Variants in G3BP1 observed in about 807,000 individuals in gnomAD.
The protein encoded by G3BP1 is ras GTPase-activating protein-binding protein 1.
In G3BP1, 35 loss-of-function variants were observed where a neutral mutation model predicts 58.6. The ratio of observed to expected loss-of-function variants is 0.60; its 90% confidence interval spans 0.46 to 0.79. G3BP1 has a LOEUF of 0.79. Ranked by LOEUF, G3BP1 falls within the 30% of genes least tolerant of loss-of-function variation. The pLI, the probability that G3BP1 is intolerant of heterozygous loss-of-function variation, is 0.00. For synonymous variants in G3BP1, 191 were observed against 195.4 expected, an observed-to-expected ratio of 0.98 and a Z score of 0.19; for missense variants, 523 against 580.8, an observed-to-expected ratio of 0.90 and a Z score of 1.02.
At chr5:151,782,957 A>G (rs1245855494) in intron 1 of G3BP1, among the ~76,000 whole-genome samples, 1 of 148,378 alleles carries the variant, frequency 6.7e-6, no homozygotes, top group African/African-American at 2.5e-5. Flanking sequence ...TGCTAGGTTC[A>G]AGCGATTCTC....
intron 1 of G3BP1, among the ~76,000 whole-genome samples, chr5:151,778,464 A>G (rs1289186920): frequency 6.6e-6 from 1 of 152,098 alleles, no homozygotes; most frequent in Non-Finnish European, 1.5e-5. Context: ...GTTTTGAGAC[A>G]GTGTTTCGCT....
rs573823245 is a variant in G3BP1 at position 151,779,683 on chromosome 5, G to A, written c.-49-6889G>A. Among the ~76,000 whole-genome samples the A allele has an allele frequency of 5.3e-5, 8 of 152,276 alleles. 1 individual carries two copies. The highest frequency in any genetic ancestry group is 1.9e-4 in the African/African-American group (8 of 41,556). On this transcript the variant is annotated intron_variant, in intron 1 of 11. Coordinates refer to ENST00000356245, the MANE Select transcript of G3BP1 (RefSeq NM_005754.3). ...GCTCGCTTTCTGGCAGGCATAAATAGGGTGACATATGTCTTGGTTTGCCAG... is the reference window on the plus strand; with the variant it reads ...GCTCGCTTTCTGGCAGGCATAAATAAGGTGACATATGTCTTGGTTTGCCAG...
In G3BP1 at chr5:151,782,896, C is replaced by T. The variant is rs561045755; in HGVS notation, c.-49-3676C>T. Among the ~76,000 whole-genome samples, 536 of 123,262 alleles carry T rather than the reference C, an allele frequency of 4.3e-3. 4 individuals carry two copies. Among genetic ancestry groups the T allele is most frequent in the African/African-American group, 0.016 (511 of 31,778 alleles). 80.9% of individuals were successfully genotyped at this position (123,262 alleles called of 152,430 possible). A position where few individuals can be genotyped will look rare whatever the true frequency, so the allele number is the denominator to read the frequency against. ...TTTTTGAGATGGACTCTCGCTCTGT[C>T]GCCCAGGCTGGAGTGCAGTGGCGTG... On this transcript the variant is annotated intron_variant, in intron 1 of 11. Coordinates refer to ENST00000356245, the MANE Select transcript of G3BP1 (RefSeq NM_005754.3).
intron 3 of G3BP1, 93 bp from the exon 4 acceptor site, chr5:151,790,794 CTT>C: frequency 2.8e-6 from 2 of 702,376 alleles, no homozygotes; most frequent in Non-Finnish European, 4.8e-6. Flanking sequence ...TACACATTCT[CTT>C]TGTGTTGTGT....
chr5:151,792,140 G>C (rs542562489), intron 4 of G3BP1: 2 of 456,114 alleles, frequency 4.4e-6, no homozygotes, highest in East Asian at 7.0e-5. Context: ...ATGAAAGGAC[G>C]ACAAGTTTAT....
In G3BP1 at chr5:151,807,772, G is replaced by A. The variant is rs1316142612; in HGVS notation, c.*3681G>A. The A allele has an allele frequency of 6.6e-6, 1 of 152,144 alleles. No homozygotes were observed. Among genetic ancestry groups the A allele is most frequent in the Non-Finnish European group, 1.5e-5 (1 of 68,032 alleles). The allele number at this position is 152,144 out of a possible 1,614,324, so 9.4% of individuals were successfully genotyped here. A position where few individuals can be genotyped will look rare whatever the true frequency, so the allele number is the denominator to read the frequency against. ...TTAATGGAAAATGTTGCACTTTATA[G>A]AAGGCCATTTTAGAACTTACAGGTA... On this transcript the variant is annotated 3_prime_UTR_variant, in exon 12 of 12. Coordinates refer to ENST00000356245, the MANE Select transcript of G3BP1 (RefSeq NM_005754.3).
chr5:151,777,561 G>A (rs1285550147), intron 1 of G3BP1, among the ~76,000 whole-genome samples: 1 of 152,060 alleles, frequency 6.6e-6, no homozygotes, highest in African/African-American at 2.4e-5. Context: ...ACAATAAACT[G>A]CATGTTTTTA....
intron 1 of G3BP1, among the ~76,000 whole-genome samples, chr5:151,775,222 GTAAAGAT>G (rs1762347109): frequency 2.0e-5 from 3 of 152,168 alleles, no homozygotes. Context: ...TTAATCAAAA[GTAAAGAT>G]TAAAGATGAT....
chr5:151,774,577 G>T (rs1039821459), intron 1 of G3BP1, among the ~76,000 whole-genome samples: 8 of 151,144 alleles, frequency 5.3e-5, no homozygotes, highest in African/African-American at 1.9e-4. Flanking sequence ...TTAACATTTT[G>T]CAAATTGATT....
At position 151,812,072 on chromosome 5, in the gene G3BP1, C is replaced by T. The variant is rs868158167; in HGVS notation, c.*7981C>T. On this transcript the variant is annotated 3_prime_UTR_variant, in exon 12 of 12. Coordinates refer to ENST00000356245, the MANE Select transcript of G3BP1 (RefSeq NM_005754.3). ...TGAAAGTATGAATCATCTTGAACCT[C>T]TTCCATCATAGCACTATGTTGCTGA... 1.3e-5 allele frequency: 2 copies of T among 152,216 alleles called. No individual in the cohort carries two copies. The highest frequency in any genetic ancestry group is 1.5e-5 in the Non-Finnish European group (1 of 68,040). 9.4% of individuals were successfully genotyped at this position (152,216 alleles called of 1,614,324 possible). A position where few individuals can be genotyped will look rare whatever the true frequency, so the allele number is the denominator to read the frequency against.
At chr5:151,787,784 A>G (rs932779373) in intron 2 of G3BP1, 3 of 275,762 alleles carry the variant, frequency 1.1e-5, no homozygotes, top group Non-Finnish European at 2.2e-5. Context: ...TGGATACCAC[A>G]TGATTATCAG....
chr5:151,791,968 T>C (rs1762666446), intron 4 of G3BP1: 1 of 392,676 alleles, frequency 2.5e-6, no homozygotes, highest in Non-Finnish European at 5.0e-6. Flanking sequence ...TTTTTCTCTT[T>C]TTGATTTGTA....
In G3BP1 at chr5:151,806,192, A is replaced by T. The variant is rs370647715; in HGVS notation, c.*2101A>T. On this transcript the variant is annotated 3_prime_UTR_variant, in exon 12 of 12. Coordinates refer to ENST00000356245, the MANE Select transcript of G3BP1 (RefSeq NM_005754.3). ...TCCTGTGGGTGGGTGGAGCTGTGGG[A>T]TTAGGAAAACTGGAATGAAGACTCA... 23 of 152,314 alleles carry T rather than the reference A, an allele frequency of 1.5e-4. No homozygotes were observed. The highest frequency in any genetic ancestry group is 5.3e-4 in the African/African-American group (22 of 41,562). 9.4% of individuals were successfully genotyped at this position (152,314 alleles called of 1,614,324 possible).
chr5:151,808,116 T>TG lies in G3BP1; in HGVS notation c.*4027dup, dbSNP rs1274253798. ...AGTTGCTGATCAAGTAATGGCCGTGTGGCACAAGATGATAACTAAGAATTT... is the reference window on the plus strand; with the variant it reads ...AGTTGCTGATCAAGTAATGGCCGTGTGGGCACAAGATGATAACTAAGAATTT... On this transcript the variant is annotated 3_prime_UTR_variant, in exon 12 of 12. Transcript: ENST00000356245. 6.6e-6 allele frequency: 1 copy of TG among 152,228 alleles called. No homozygotes were observed. Among genetic ancestry groups the TG allele is most frequent in the Non-Finnish European group, 1.5e-5 (1 of 68,046 alleles). The allele number at this position is 152,228 out of a possible 1,614,324, so 9.4% of individuals were successfully genotyped here.
chr5:151,772,521 C>T (rs553851881), intron 1 of G3BP1: 1 of 152,752 alleles, frequency 6.5e-6, no homozygotes. Flanking sequence ...GCAGAAGCGC[C>T]TTCGGTTTTG....
chr5:151,773,971 C>T (rs1474219974), intron 1 of G3BP1, among the ~76,000 whole-genome samples: 2 of 152,280 alleles, frequency 1.3e-5, no homozygotes, highest in East Asian at 3.9e-4. Context: ...TAAAAAAATA[C>T]AGTTCTTGGC....
chr5:151,778,918 G>A (rs552862599), intron 1 of G3BP1, among the ~76,000 whole-genome samples: 4 of 152,076 alleles, frequency 2.6e-5, no homozygotes, highest in South Asian at 4.2e-4. Flanking sequence ...TTAGTCGGGC[G>A]TGGTGGTGTG....
At chr5:151,775,973 A>G (rs1351856782) in intron 1 of G3BP1, among the ~76,000 whole-genome samples, 1 of 152,244 alleles carries the variant, frequency 6.6e-6, no homozygotes, top group African/African-American at 2.4e-5. Flanking sequence ...AGTACATTTA[A>G]CAGAACTGAG....
At position 151,804,328 on chromosome 5, in the gene G3BP1, T is replaced by C. The variant is rs921204417; in HGVS notation, c.*237T>C. On this transcript the variant is annotated 3_prime_UTR_variant, in exon 12 of 12. Coordinates refer to ENST00000356245, the MANE Select transcript of G3BP1 (RefSeq NM_005754.3). Reference sequence around the variant, plus strand: ...ATGATATTTTAGGAATAACGGACTTTTAAAGAAGCAAAAAAAAAGACTGAA... The same window carrying C: ...ATGATATTTTAGGAATAACGGACTTCTAAAGAAGCAAAAAAAAAGACTGAA... The C allele has an allele frequency of 1.0e-4, 38 of 377,544 alleles. No homozygotes were observed. The highest frequency in any genetic ancestry group is 1.5e-4 in the African/African-American group (7 of 47,688). The allele number at this position is 377,544 out of a possible 1,614,324, so 23.4% of individuals were successfully genotyped here. A position where few individuals can be genotyped will look rare whatever the true frequency, so the allele number is the denominator to read the frequency against.
Sources: allele counts gnomAD v4.1 joint callset (sites outside exome capture counted in the v4.1 genomes callset), GRCh38; gene constraint gnomAD v4.1.1; transcripts MANE v1.5; gene names NCBI Gene and HGNC (gene_info 2026-07-23, HGNC 2026-07-21).